The following PPCDC variants were observed in gnomAD, a reference collection of about 807,000 sequenced individuals.
PPCDC encodes phosphopantothenoylcysteine decarboxylase.
Under a neutral mutation model 20.7 loss-of-function variants are expected in PPCDC, and 20 were observed. The ratio of observed to expected loss-of-function variants is 0.97; its 90% CI spans 0.68 to 1.41. The LOEUF is 1.41. Ranked by LOEUF, PPCDC falls within the 40% of genes most tolerant of loss-of-function variation. The pLI is 0.00. For missense variants in PPCDC, 246 were observed against 263.8 expected, an observed-to-expected ratio of 0.93 and a Z score of 0.47; for synonymous variants, 88 against 100.3, an observed-to-expected ratio of 0.88 and a Z score of 0.73.
chr15:75,045,215 C>G (rs1435187500), intron 4 of PPCDC: 1 of 152,982 alleles, frequency 6.5e-6, no homozygotes, highest in Non-Finnish European at 1.5e-5. Flanking sequence ...ATTGCCACCC[C>G]CCACCTCATT....
intron 2 of PPCDC, among the ~76,000 whole-genome samples, chr15:75,035,306 AG>A (rs1376902190): frequency 6.6e-6 from 1 of 152,164 alleles, no homozygotes; most frequent in East Asian, 1.9e-4. Context: ...TCTAGTGGGT[AG>A]AGGCCAGGAA....
intron 2 of PPCDC, among the ~76,000 whole-genome samples, chr15:75,039,467 G>A (rs1204155151): frequency 6.6e-6 from 1 of 152,142 alleles, no homozygotes; most frequent in African/African-American, 2.4e-5. Context: ...GCTGCCTTGG[G>A]TGGGAAGAAG....
Position 75,032,733 on chromosome 15 carries a change from C to CA in PPCDC, c.135+4280_135+4281insA, listed in dbSNP as rs530128059. ...GGAGCTAGCAAACTGGACCCCCCCC[C>CA]CCAAGGCCAAATTCGGCTCTGCCTG... On this transcript the variant is annotated intron_variant, in intron 2 of 5. Coordinates refer to ENST00000342932, the MANE Select transcript of PPCDC (RefSeq NM_021823.5). Among the ~76,000 whole-genome samples, 268 of 137,118 alleles carry CA rather than the reference C, an allele frequency of 2.0e-3. 36 individuals carry two copies. In the Middle Eastern group the frequency reaches 0.026, roughly 13 times the overall value. 90.0% of individuals were successfully genotyped at this position (137,118 alleles called of 152,430 possible).
intron 5 of PPCDC, 81 bp from the exon 6 acceptor site, chr15:75,049,068 GA>G: frequency 7.6e-7 from 1 of 1,313,504 alleles, no homozygotes; most frequent in Non-Finnish European, 1.1e-6. Flanking sequence ...GCTCTGGGTG[GA>G]GCACTTGGAG....
At chr15:75,047,989 G>A (rs1232991359) in intron 4 of PPCDC, among the ~76,000 whole-genome samples, 3 of 152,196 alleles carry the variant, frequency 2.0e-5, no homozygotes, top group Non-Finnish European at 4.4e-5. Flanking sequence ...CCCATTGTCC[G>A]GGTGTGGGCG....
chr15:75,044,898 G>T (rs2066210551), intron 4 of PPCDC: 1 of 237,856 alleles, frequency 4.2e-6, no homozygotes, highest in African/African-American at 2.3e-5. Flanking sequence ...CTTCTCCGCA[G>T]ATCTGGGTAT....
chr15:75,049,071 C>T (rs992877553), intron 5 of PPCDC, 79 bp from the exon 6 acceptor site: 1 of 1,333,718 alleles, frequency 7.5e-7, no homozygotes, highest in Non-Finnish European at 1.1e-6. Context: ...CTGGGTGGAG[C>T]ACTTGGAGCA....
Position 75,028,354 on chromosome 15 carries a change from C to A in PPCDC, c.36C>A (p.Pro12=), listed in dbSNP as rs2065981834. The A allele has an allele frequency of 1.9e-6, 3 of 1,614,102 alleles. No individual in the cohort carries two copies. Among genetic ancestry groups the A allele is most frequent in the African/African-American group, 1.3e-5 (1 of 74,936 alleles). Residue 12 remains proline, a synonymous_variant, in exon 2 of 6, where the codon CCC becomes CCA. Transcript: ENST00000342932. ...AGGCCTCCTGTCCAGCTGCTGCACC[C>A]TTGATGGAGAGAAAATTCCATGTTC... is the stretch of plus-strand genomic sequence containing the variant. ...EPKASCPAAA[P]LMERKFHVLV... is the part of the protein sequence containing the mutation.
chr15:75,038,685 G>GGA (rs2066114331), intron 2 of PPCDC, among the ~76,000 whole-genome samples: 1 of 152,156 alleles, frequency 6.6e-6, no homozygotes, highest in African/African-American at 2.4e-5. Context: ...TCCGACCCCT[G>GGA]GAGGCAGAGT....
intron 2 of PPCDC, among the ~76,000 whole-genome samples, chr15:75,039,510 GT>G (rs1406629266): frequency 2.0e-5 from 3 of 152,162 alleles, no homozygotes; most frequent in African/African-American, 7.2e-5. Flanking sequence ...CCTTCTACAG[GT>G]CAGGAAGTCC....
intron 2 of PPCDC, among the ~76,000 whole-genome samples, chr15:75,030,079 A>G (rs544430680): frequency 1.8e-4 from 28 of 152,262 alleles, no homozygotes; most frequent in Non-Finnish European, 3.5e-4. Context: ...CTGGAACAGG[A>G]CTTGGCTTCC....
At chr15:75,046,892 AAG>A (rs1335894386) in intron 4 of PPCDC, among the ~76,000 whole-genome samples, 1 of 152,262 alleles carries the variant, frequency 6.6e-6, no homozygotes, top group Non-Finnish European at 1.5e-5. Flanking sequence ...CGGACCTAGA[AAG>A]AGCAGACAAT....
intron 2 of PPCDC, among the ~76,000 whole-genome samples, chr15:75,040,127 G>T (rs890610008): frequency 2.0e-5 from 3 of 152,140 alleles, no homozygotes; most frequent in African/African-American, 4.8e-5. Flanking sequence ...TTGTCACCCA[G>T]GCTGGAGTGC....
In PPCDC at chr15:75,028,374, A is replaced by G. The variant is rs2141474693; in HGVS notation, c.56A>G (p.His19Arg). 6.2e-7 allele frequency: 1 copy of G among 1,614,070 alleles called. No individual in the cohort carries two copies. The change falls in exon 2 of 6, where the codon CAT (histidine) becomes CGT (arginine). Residue 19 changes from histidine (H) to arginine (R), a missense_variant. Around this residue, in one of 2 missense-constraint regions of PPCDC, gnomAD observed 225 missense variants for 222.6 expected, o/e 1.01. Transcript: ENST00000342932. Reference protein sequence around the residue: ...AAAPLMERKFHVLVGVTGSVA... With the variant: ...AAAPLMERKFRVLVGVTGSVA... The stretch of plus-strand genomic sequence containing the variant: ...GCACCCTTGATGGAGAGAAAATTCC[A>G]TGTTCTTGTGGGTGTCACGGGGAGT...
chr15:75,028,881 C>T (rs1170979675), intron 2 of PPCDC, among the ~76,000 whole-genome samples: 6 of 152,144 alleles, frequency 3.9e-5, no homozygotes, highest in Non-Finnish European at 8.8e-5. Flanking sequence ...CGTGAGACCT[C>T]ATGGTTGTCT....
At chr15:75,041,989 C>T (rs35373072) in intron 2 of PPCDC, among the ~76,000 whole-genome samples, 1 of 152,162 alleles carries the variant, frequency 6.6e-6, no homozygotes, top group African/African-American at 2.4e-5. Context: ...GTCGCTCTCA[C>T]GTAGGAATGT....
chr15:75,029,447 T>G (rs1348703939), intron 2 of PPCDC, among the ~76,000 whole-genome samples: 3 of 152,312 alleles, frequency 2.0e-5, no homozygotes, highest in Admixed American at 2.0e-4. Flanking sequence ...TGGCCGTATC[T>G]GGCATGTCCA....
At chr15:75,043,870 G>C in intron 3 of PPCDC, 1 of 341,304 alleles carries the variant, frequency 2.9e-6, no homozygotes. Context: ...TGAAGAGAAC[G>C]CCTCACTTCC....
At position 75,028,447 on chromosome 15, in the gene PPCDC, T is replaced by A. The variant is rs761409794; in HGVS notation, c.129T>A (p.Ile43=). The change falls in exon 2 of 6, where the codon ATT becomes ATA. Residue 43 remains isoleucine, a synonymous_variant. Transcript: ENST00000342932. ...LPLLVSKLLD[I]PGLEVAVVTT... ...TTCTGGTGTCAAAGCTTTTGGACATTCCTGGGGTGAGTATCCTCACCAGAT... is the reference window on the plus strand; with the variant it reads ...TTCTGGTGTCAAAGCTTTTGGACATACCTGGGGTGAGTATCCTCACCAGAT... 1 of 1,614,224 alleles carries A rather than the reference T, an allele frequency of 6.2e-7. No individual in the cohort carries two copies. The highest frequency in any genetic ancestry group is 8.5e-7 in the Non-Finnish European group (1 of 1,180,038).
Sources: allele counts gnomAD v4.1 joint callset (sites outside exome capture counted in the v4.1 genomes callset), GRCh38; gene constraint gnomAD v4.1.1; regional missense constraint gnomAD v4.1.1; transcripts MANE v1.5; gene names NCBI Gene and HGNC (gene_info 2026-07-23, HGNC 2026-07-21).